FBXL7: variants seen among roughly 807,000 people sequenced by gnomAD.
FBXL7 encodes F-box and leucine rich repeat protein 7, also known as F-box/LRR-repeat protein 7.
Under a neutral mutation model 38.3 loss-of-function variants are expected in FBXL7, and 12 were observed. The ratio of observed to expected loss-of-function variants is 0.31; its 90% CI spans 0.20 to 0.51. The LOEUF is 0.51. Among genes scored for constraint, FBXL7 ranks in the 20% least tolerant of loss-of-function variants. The pLI is 0.98. For synonymous variants in FBXL7, 297 were observed against 300.9 expected, an observed-to-expected ratio of 0.99 and a Z score of 0.13; for missense variants, 567 against 676.4, an observed-to-expected ratio of 0.84 and a Z score of 1.79.
chr5:15,557,445 A>C (rs759871728), intron 1 of FBXL7, among the ~76,000 whole-genome samples: 2 of 152,222 alleles, frequency 1.3e-5, no homozygotes, highest in Non-Finnish European at 2.9e-5. Context: ...ATTATATTTA[A>C]AGTGAGCCGT....
chr5:15,560,887 ATACTGTCTTCTTTTTGGT>A (rs1738393007), intron 1 of FBXL7, among the ~76,000 whole-genome samples: 1 of 152,204 alleles, frequency 6.6e-6, no homozygotes, highest in Non-Finnish European at 1.5e-5. Flanking sequence ...AAATTGACTC[ATACTGTCTTCTTTTTGGT>A]TATCAAAGAA....
chr5:15,634,151 A>G (rs1741094853), intron 2 of FBXL7, among the ~76,000 whole-genome samples: 1 of 152,096 alleles, frequency 6.6e-6, no homozygotes, highest in South Asian at 2.1e-4. Flanking sequence ...AACGCATGCT[A>G]ACAAGTAAAA....
intron 2 of FBXL7, among the ~76,000 whole-genome samples, chr5:15,671,867 G>A (rs1742488652): frequency 6.6e-6 from 1 of 152,150 alleles, no homozygotes; most frequent in Admixed American, 6.5e-5. Flanking sequence ...CTCATAAATG[G>A]GATATGGGCA....
intron 1 of FBXL7, among the ~76,000 whole-genome samples, chr5:15,572,428 G>T (rs1274942813): frequency 1.3e-5 from 2 of 148,310 alleles, no homozygotes; most frequent in Non-Finnish European, 3.0e-5. Flanking sequence ...CAGGGTTCTT[G>T]TCACATACTT....
chr5:15,697,854 C>A (rs1415027487), intron 2 of FBXL7, among the ~76,000 whole-genome samples: 1 of 152,164 alleles, frequency 6.6e-6, no homozygotes, highest in African/African-American at 2.4e-5. Context: ...TTTGCCAAAA[C>A]CAACCAGTAT....
intron 1 of FBXL7, among the ~76,000 whole-genome samples, chr5:15,587,586 T>C (rs1739340829): frequency 6.6e-6 from 1 of 152,174 alleles, no homozygotes; most frequent in Non-Finnish European, 1.5e-5. Flanking sequence ...GTATGTGTAG[T>C]TATCGTTCAA....
At chr5:15,728,694 C>G (rs1311052749) in intron 2 of FBXL7, among the ~76,000 whole-genome samples, 1 of 152,106 alleles carries the variant, frequency 6.6e-6, no homozygotes. Flanking sequence ...AAACCATGAA[C>G]TCTGCTTCTA....
chr5:15,667,082 A>G (rs1742307459), intron 2 of FBXL7, among the ~76,000 whole-genome samples: 2 of 152,182 alleles, frequency 1.3e-5, no homozygotes, highest in African/African-American at 4.8e-5. Flanking sequence ...CTTTATGGGG[A>G]TATATTGATG....
chr5:15,876,605 C>T (rs540443595), intron 2 of FBXL7, among the ~76,000 whole-genome samples: 1 of 152,222 alleles, frequency 6.6e-6, no homozygotes, highest in African/African-American at 2.4e-5. Flanking sequence ...GAAACTCTAC[C>T]AGTTACTGCA....
chr5:15,791,264 T>C (rs1737270376), intron 2 of FBXL7, among the ~76,000 whole-genome samples: 1 of 152,200 alleles, frequency 6.6e-6, no homozygotes, highest in Non-Finnish European at 1.5e-5. Context: ...GCAATCAGGA[T>C]CTCAAATAAA....
chr5:15,528,687 C>T lies in FBXL7; in HGVS notation c.37+27974C>T, dbSNP rs755565117. Among the ~76,000 whole-genome samples, 8 of 152,274 alleles carry T rather than the reference C, an allele frequency of 5.3e-5. No homozygotes were observed. In the East Asian group the frequency reaches 5.8e-4, roughly 11 times the overall value. On this transcript the variant is annotated intron_variant, in intron 1 of 3. Coordinates refer to ENST00000504595, the MANE Select transcript of FBXL7 (RefSeq NM_012304.5). ...CCCACTGGGTCCCTCCCACATCACACGGTAATTATGAGAGCTACAATTCAA... is the reference window on the plus strand; with the variant it reads ...CCCACTGGGTCCCTCCCACATCACATGGTAATTATGAGAGCTACAATTCAA...
intron 2 of FBXL7, among the ~76,000 whole-genome samples, chr5:15,791,081 G>GGA (rs1163615745): frequency 7.0e-6 from 1 of 143,836 alleles, no homozygotes; most frequent in African/African-American, 2.6e-5. Flanking sequence ...AGGGGGGGGG[G>GGA]GGTTATTGCA....
At position 15,892,203 on chromosome 5, in the gene FBXL7, G is replaced by T. The variant is rs574823464; in HGVS notation, c.128-35687G>T. On this transcript the variant is annotated intron_variant, in intron 2 of 3. Transcript: ENST00000504595. ...TTGAAGACAACACTCCAACCAGAGG[G>T]TAGGTCCTGAGGGAAGTGTGCATGG... Among the ~76,000 whole-genome samples the T allele has an allele frequency of 1.5e-3, 234 of 152,370 alleles. 1 individual carries two copies. Among genetic ancestry groups the T allele is most frequent in the Non-Finnish European group, 2.9e-3 (196 of 68,048 alleles).
At chr5:15,624,342 G>GA (rs1740740359) in intron 2 of FBXL7, among the ~76,000 whole-genome samples, 1 of 152,134 alleles carries the variant, frequency 6.6e-6, no homozygotes, top group South Asian at 2.1e-4. Flanking sequence ...GAGTTCTCTT[G>GA]AAAATGGGTT....
intron 2 of FBXL7, among the ~76,000 whole-genome samples, chr5:15,684,055 A>G (rs1742933943): frequency 6.6e-6 from 1 of 152,184 alleles, no homozygotes; most frequent in African/African-American, 2.4e-5. Flanking sequence ...GATAAATTTC[A>G]ATATGGTTTA....
intron 2 of FBXL7, among the ~76,000 whole-genome samples, chr5:15,878,444 T>C (rs1400326410): frequency 6.6e-6 from 1 of 152,172 alleles, no homozygotes; most frequent in African/African-American, 2.4e-5. Flanking sequence ...CAACTCTGCA[T>C]GAAGATGGAC....
chr5:15,782,150 AG>A (rs1362756890), intron 2 of FBXL7, among the ~76,000 whole-genome samples: 2 of 152,164 alleles, frequency 1.3e-5, no homozygotes, highest in Admixed American at 6.5e-5. Context: ...GTCCCTGCAA[AG>A]GACATGAACC....
intron 1 of FBXL7, chr5:15,501,729 T>C: frequency 2.0e-6 from 2 of 985,484 alleles, no homozygotes; most frequent in Non-Finnish European, 2.4e-6. Context: ...AGAATGTGGG[T>C]GTCTCTCCTC....
intron 2 of FBXL7, among the ~76,000 whole-genome samples, chr5:15,721,378 T>G (rs1477311430): frequency 1.3e-5 from 2 of 152,298 alleles, no homozygotes; most frequent in East Asian, 3.9e-4. Flanking sequence ...TTATGAGATC[T>G]AAAGGTAACA....
Sources: gnomAD v4.1 joint callset for allele counts (sites outside exome capture counted in the v4.1 genomes callset) on GRCh38, gnomAD v4.1.1 for gene constraint, MANE v1.5 for transcripts, NCBI Gene and HGNC (gene_info 2026-07-23, HGNC 2026-07-21) for gene names.